Variants in SANBR observed in about 807,000 individuals in gnomAD.
SANBR encodes SANT and BTB domain regulator of CSR, also known as SANT and BTB domain regulator of class switch recombination.
In SANBR, 77 loss-of-function variants were observed where a neutral mutation model predicts 101.8. The ratio of observed to expected loss-of-function variants is 0.76; its 90% CI spans 0.63 to 0.91. The LOEUF (loss-of-function observed/expected upper bound fraction) is 0.91. SANBR is among the 40% of genes least tolerant of loss of function. SANBR has a pLI of 0.00. For synonymous variants in SANBR, 279 were observed against 274.7 expected (o/e 1.02, Z -0.15); for missense variants, 875 against 853.0 (o/e 1.03, Z -0.32).
chr2:61,118,826 C>T (rs1312388999), intron 20 of SANBR, among the ~76,000 whole-genome samples: 3 of 152,080 alleles, frequency 2.0e-5, no homozygotes, highest in African/African-American at 7.2e-5. Flanking sequence ...TCCTAAAGTA[C>T]TGGGATTATA....
At chr2:61,069,968 T>G (rs1468963150) in intron 2 of SANBR, among the ~76,000 whole-genome samples, 1 of 152,248 alleles carries the variant, frequency 6.6e-6, no homozygotes, top group Non-Finnish European at 1.5e-5. Context: ...AGAATCATTT[T>G]TACTTGGTTT....
chr2:61,091,771 A>G (rs931012891), intron 10 of SANBR, among the ~76,000 whole-genome samples: 1 of 152,108 alleles, frequency 6.6e-6, no homozygotes, highest in Non-Finnish European at 1.5e-5. Flanking sequence ...CTCAAAAACG[A>G]AACAAAAACA....
chr2:61,091,263 G>A (rs1478687087), intron 10 of SANBR, among the ~76,000 whole-genome samples: 2 of 152,028 alleles, frequency 1.3e-5, no homozygotes, highest in African/African-American at 2.4e-5. Flanking sequence ...GGGCAACATA[G>A]TGAGGCCCCC....
chr2:61,095,713 C>A lies in SANBR; in HGVS notation c.1213-1987C>A, dbSNP rs577916688. ...TCTTAAAGTCTCCCCCAGTGAGGAA[C>A]TCTCTCAACAAGGGCCCACTCCTGG... On this transcript the variant is annotated intron_variant, in intron 11 of 21. Coordinates refer to ENST00000402291, the MANE Select transcript of SANBR (RefSeq NM_001129993.3). Among the ~76,000 whole-genome samples the A allele has an allele frequency of 1.1e-4, 17 of 152,240 alleles. No homozygotes were observed. The South Asian group carries it at 3.5e-3, about 32-fold the overall frequency.
chr2:61,109,250 C>T lies in SANBR; in HGVS notation c.1698C>T (p.Val566=), dbSNP rs766691115. 4.4e-6 allele frequency: 7 copies of T among 1,575,584 alleles called. No individual in the cohort carries two copies. The East Asian group carries it at 1.6e-4, about 36-fold the overall frequency. The change falls in exon 16 of 22, where the codon GTC becomes GTT. Residue 566 remains valine (V), a synonymous_variant. Transcript: ENST00000402291. ...AAGAATATACCACTGGATCTGAGGT[C>T]ACTGAAGATGAAGTTGGAGATGAAG... is the stretch of plus-strand genomic sequence containing the variant. ...EEEEYTTGSE[V]TEDEVGDEEE...
intron 8 of SANBR, among the ~76,000 whole-genome samples, chr2:61,086,292 T>C (rs1250282584): frequency 6.6e-6 from 1 of 151,862 alleles, no homozygotes; most frequent in African/African-American, 2.4e-5. Flanking sequence ...TCTCCCAAAG[T>C]TTTGGAATTA....
intron 11 of SANBR, among the ~76,000 whole-genome samples, chr2:61,097,110 C>T (rs1176366137): frequency 6.6e-6 from 1 of 152,146 alleles, no homozygotes; most frequent in Non-Finnish European, 1.5e-5. Context: ...GGCTAGATGG[C>T]ACCACTTCAC....
At chr2:61,110,769 AC>A (rs1301504482) in intron 16 of SANBR, among the ~76,000 whole-genome samples, 17 of 151,994 alleles carry the variant, frequency 1.1e-4, no homozygotes, top group African/African-American at 4.1e-4. Flanking sequence ...AATCACTTGA[AC>A]CCAGGAAGGG....
intron 20 of SANBR, 85 bp downstream of exon 20, chr2:61,118,201 T>C: frequency 1.2e-6 from 1 of 866,966 alleles, no homozygotes; most frequent in Non-Finnish European, 1.8e-6. Context: ...AAAGATGTCT[T>C]AGGCAGAATT....
At chr2:61,087,978 T>C (rs528436381) in intron 8 of SANBR, among the ~76,000 whole-genome samples, 181 bp from the exon 9 acceptor site, 1 of 152,204 alleles carries the variant, frequency 6.6e-6, no homozygotes, top group Non-Finnish European at 1.5e-5. Context: ...CTTTATTTTA[T>C]TTACTTAATA....
intron 5 of SANBR, chr2:61,074,866 T>A (rs555675347): frequency 5.9e-5 from 9 of 152,376 alleles, no homozygotes; most frequent in Non-Finnish European, 1.2e-4. Flanking sequence ...TGACCATAAT[T>A]TCTTTGGAAG....
At chr2:61,118,250 T>G in intron 20 of SANBR, 134 bp downstream of exon 20, 1 of 671,992 alleles carries the variant, frequency 1.5e-6, no homozygotes. Context: ...TTTGTTTGTT[T>G]TTTTCTTTGA....
At chr2:61,107,072 G>A (rs985196557) in intron 14 of SANBR, among the ~76,000 whole-genome samples, 2 of 151,908 alleles carry the variant, frequency 1.3e-5, no homozygotes, top group African/African-American at 4.8e-5. Flanking sequence ...GGAGGCTGAG[G>A]TGGGAAGATT....
chr2:61,099,084 A>G (rs1051612270), intron 12 of SANBR, among the ~76,000 whole-genome samples: 1 of 152,250 alleles, frequency 6.6e-6, no homozygotes, highest in Non-Finnish European at 1.5e-5. Context: ...GTCAGAAGGA[A>G]CATAGTGAGT....
chr2:61,075,898 G>T (rs1004475915), intron 5 of SANBR, among the ~76,000 whole-genome samples: 1 of 151,898 alleles, frequency 6.6e-6, no homozygotes, highest in Admixed American at 6.6e-5. Flanking sequence ...ACCCATAACT[G>T]TGTAAAAGTG....
At chr2:61,098,981 C>G (rs1683164661) in intron 12 of SANBR, among the ~76,000 whole-genome samples, 1 of 152,160 alleles carries the variant, frequency 6.6e-6, no homozygotes, top group Non-Finnish European at 1.5e-5. Flanking sequence ...AGGAAATCCT[C>G]AAAGGAGCTG....
At position 61,122,261 on chromosome 2, in the gene SANBR, TTTATG is replaced by T. The variant is rs1181428810; in HGVS notation, c.*104_*108del. On this transcript the variant is annotated 3_prime_UTR_variant, in exon 22 of 22. Coordinates refer to ENST00000402291, the MANE Select transcript of SANBR (RefSeq NM_001129993.3). ...CTTCAGAACAATGACTTCCAACTGT[TTTATG>T]TTATTATTATTTTAATCCACATAAA... 7.1e-7 allele frequency: 1 copy of T among 1,412,448 alleles called. No homozygotes were observed. The highest frequency in any genetic ancestry group is 9.3e-7 in the Non-Finnish European group (1 of 1,069,632). 87.5% of individuals were successfully genotyped at this position (1,412,448 alleles called of 1,614,324 possible).
chr2:61,073,696 G>A lies in SANBR; in HGVS notation c.431+145G>A, dbSNP rs926365121. ...ATCAGCTTAGTTCATGTGTTGAACT[G>A]ACCGAAACATGACTTATTCATGTTA... On this transcript the variant is annotated intron_variant, in intron 5 of 21. Coordinates refer to ENST00000402291, the MANE Select transcript of SANBR (RefSeq NM_001129993.3). 1.0e-4 allele frequency: 42 copies of A among 418,588 alleles called. 1 individual carries two copies. Among genetic ancestry groups the A allele is most frequent in the African/African-American group, 2.0e-5 (1 of 48,830 alleles). The allele number at this position is 418,588 out of a possible 1,614,324, so 25.9% of individuals were successfully genotyped here.
At chr2:61,097,644 G>A in intron 11 of SANBR, 56 bp from the exon 12 acceptor site, 4 of 1,342,846 alleles carry the variant, frequency 3.0e-6, no homozygotes, top group Non-Finnish European at 3.1e-6. Context: ...AAGTATTTTT[G>A]AAACATATAA....
Sources: gnomAD v4.1 joint callset for allele counts (sites outside exome capture counted in the v4.1 genomes callset) on GRCh38, gnomAD v4.1.1 for gene constraint, MANE v1.5 for transcripts, NCBI Gene and HGNC (gene_info 2026-07-23, HGNC 2026-07-21) for gene names.